Variants in SIPA1L1 observed in about 807,000 individuals in gnomAD.
SIPA1L1 encodes the protein signal induced proliferation associated 1 like 1, also known as signal-induced proliferation-associated 1-like protein 1.
Under a neutral mutation model 162.7 loss-of-function variants are expected in SIPA1L1, and 26 were observed. The ratio of observed to expected loss-of-function variants is 0.16; its 90% CI spans 0.12 to 0.22. The LOEUF (loss-of-function observed/expected upper bound fraction) is 0.22. Among genes scored for constraint, SIPA1L1 ranks in the 10% least tolerant of loss-of-function variants. The probability of loss-of-function intolerance (pLI) is 1.00; values close to 1 mark genes in which losing one functional copy is unlikely to be tolerated. For missense variants in SIPA1L1, 1,874 were observed against 2,241.0 expected (o/e 0.84, Z 3.31); for synonymous variants, 829 against 837.4 (o/e 0.99, Z 0.17).
At chr14:71,542,475 G>GCTTCTGCTTCTTCTGCTT (rs1047200137) in intron 4 of SIPA1L1, among the ~76,000 whole-genome samples, 1 of 146,876 alleles carries the variant, frequency 6.8e-6, no homozygotes, top group African/African-American at 2.6e-5. Context: ...TGCTGCTTCT[G>GCTTCTGCTTCTTCTGCTT]CTTCTGCTTC....
intron 19 of SIPA1L1, 104 bp downstream of exon 19, chr14:71,724,939 T>A: frequency 9.9e-7 from 1 of 1,013,294 alleles, no homozygotes; most frequent in Non-Finnish European, 1.5e-6. Flanking sequence ...TACTGGCTGC[T>A]CTTCACTAAG....
chr14:71,322,211 G>A (rs1166763514), intron 2 of SIPA1L1, among the ~76,000 whole-genome samples: 5 of 152,178 alleles, frequency 3.3e-5, no homozygotes, highest in African/African-American at 1.2e-4. Flanking sequence ...CTCTGAGTCA[G>A]ACTCTTAAAG....
At chr14:71,497,300 C>G (rs1276144165) in intron 2 of SIPA1L1, among the ~76,000 whole-genome samples, 1 of 152,192 alleles carries the variant, frequency 6.6e-6, no homozygotes, top group African/African-American at 2.4e-5. Context: ...CTTCCTTGGC[C>G]TCCCAGAATG....
chr14:71,518,564 A>G (rs2051976214), intron 3 of SIPA1L1, among the ~76,000 whole-genome samples: 1 of 152,198 alleles, frequency 6.6e-6, no homozygotes, highest in African/African-American at 2.4e-5. Flanking sequence ...TGAACTTCAC[A>G]TATAGTCAGC....
intron 7 of SIPA1L1, among the ~76,000 whole-genome samples, chr14:71,633,374 A>C (rs1299683682): frequency 6.6e-6 from 1 of 152,136 alleles, no homozygotes; most frequent in Non-Finnish European, 1.5e-5. Context: ...GGGTTTCACC[A>C]TGTTGGCTAG....
rs763382333 is a variant in SIPA1L1 at position 71,735,374 on chromosome 14, G to A, written c.5106G>A (p.Gln1702=). ...AGCTGGAGGACCAGGCTCTGGCCCAGATGAAGCCTTACAGCAGGTTGGTCC... is the reference window on the plus strand; with the variant it reads ...AGCTGGAGGACCAGGCTCTGGCCCAAATGAAGCCTTACAGCAGGTTGGTCC... The part of the protein sequence containing the change: ...SDQLEDQALA[Q]MKPYSSSKDS... The change falls in exon 22 of 24, where the codon CAG becomes CAA. Residue 1702 remains glutamine (Q), a synonymous_variant. Coordinates refer to ENST00000381232, the MANE Select transcript of SIPA1L1 (RefSeq NM_001386936.1). 5.0e-6 allele frequency: 8 copies of A among 1,613,710 alleles called. No homozygotes were observed. The Admixed American group carries it at 1.3e-4, about 27-fold the overall frequency.
At chr14:71,705,489 T>C (rs2082373281) in intron 16 of SIPA1L1, 149 bp downstream of exon 16, 1 of 681,774 alleles carries the variant, frequency 1.5e-6, no homozygotes. Context: ...CCTTGCAGTT[T>C]CTGCTGCCAT....
At chr14:71,579,644 T>A (rs973296484) in intron 4 of SIPA1L1, among the ~76,000 whole-genome samples, 1 of 152,238 alleles carries the variant, frequency 6.6e-6, no homozygotes, top group Non-Finnish European at 1.5e-5. Flanking sequence ...GTTTTTCTTT[T>A]ACGTTCTAGG....
intron 7 of SIPA1L1, among the ~76,000 whole-genome samples, chr14:71,633,155 A>ATGTTCTGTTC (rs71448374): frequency 7.1e-5 from 9 of 126,006 alleles, no homozygotes; most frequent in Non-Finnish European, 1.4e-4. Flanking sequence ...ATGTTATGTT[A>ATGTTCTGTTC]TGTTCTGTTC....
intron 2 of SIPA1L1, among the ~76,000 whole-genome samples, chr14:71,354,088 T>C (rs1051263651): frequency 3.3e-5 from 5 of 152,068 alleles, no homozygotes; most frequent in African/African-American, 1.2e-4. Context: ...GATGCAGGTA[T>C]TGTTTTGCAA....
intron 20 of SIPA1L1, among the ~76,000 whole-genome samples, chr14:71,732,759 C>T (rs1197891450): frequency 1.3e-5 from 2 of 152,204 alleles, no homozygotes; most frequent in African/African-American, 4.8e-5. Context: ...ACCTTCCTGT[C>T]TTAGCTCTGT....
intron 10 of SIPA1L1, among the ~76,000 whole-genome samples, chr14:71,663,856 C>T (rs2043758848): frequency 6.6e-6 from 1 of 152,206 alleles, no homozygotes; most frequent in Non-Finnish European, 1.5e-5. Flanking sequence ...GCCCAACACA[C>T]AGCTTTTAAG....
chr14:71,550,326 G>A (rs531446534), intron 4 of SIPA1L1, among the ~76,000 whole-genome samples: 2 of 152,264 alleles, frequency 1.3e-5, no homozygotes, highest in South Asian at 4.1e-4. Flanking sequence ...ATGCAGCTGG[G>A]TTTCTCTGTG....
intron 2 of SIPA1L1, among the ~76,000 whole-genome samples, chr14:71,325,853 T>C (rs746487282): frequency 3.0e-4 from 46 of 152,218 alleles, no homozygotes; most frequent in Non-Finnish European, 1.8e-4. Context: ...TATGCCTAAG[T>C]TGAAATTGCG....
At chr14:71,471,091 AC>A (rs1429814820) in intron 2 of SIPA1L1, among the ~76,000 whole-genome samples, 1 of 152,146 alleles carries the variant, frequency 6.6e-6, no homozygotes, top group Non-Finnish European at 1.5e-5. Context: ...TGATCCACCC[AC>A]CTGGGTCTCC....
intron 5 of SIPA1L1, among the ~76,000 whole-genome samples, chr14:71,614,937 T>C (rs2038662057): frequency 6.6e-6 from 1 of 152,182 alleles, no homozygotes; most frequent in East Asian, 1.9e-4. Flanking sequence ...TTATATTTTA[T>C]TTACATTTTT....
At chr14:71,343,175 C>T (rs552883408) in intron 2 of SIPA1L1, among the ~76,000 whole-genome samples, 1 of 152,194 alleles carries the variant, frequency 6.6e-6, no homozygotes, top group South Asian at 2.1e-4. Flanking sequence ...TTGAAAGCTA[C>T]CTTTTAAATA....
At chr14:71,373,460 T>C (rs2039082515) in intron 2 of SIPA1L1, among the ~76,000 whole-genome samples, 1 of 151,414 alleles carries the variant, frequency 6.6e-6, no homozygotes, top group African/African-American at 2.4e-5. Context: ...CCGCTTCTAC[T>C]AAAAATATAA....
intron 4 of SIPA1L1, among the ~76,000 whole-genome samples, chr14:71,571,452 G>A (rs1380578148): frequency 6.6e-6 from 1 of 151,898 alleles, no homozygotes; most frequent in African/African-American, 2.4e-5. Context: ...GACTACTCCA[G>A]TATTAAACAG....
Sources: allele counts gnomAD v4.1 joint callset (sites outside exome capture counted in the v4.1 genomes callset), GRCh38; gene constraint gnomAD v4.1.1; transcripts MANE v1.5; gene names NCBI Gene and HGNC (gene_info 2026-07-23, HGNC 2026-07-21).